Variants in WWOX observed in about 807,000 individuals in gnomAD.
The protein encoded by WWOX is WW domain-containing oxidoreductase.
A neutral mutation model predicts 46.2 loss-of-function variants in WWOX; 69 were observed. The observed-to-expected ratio is 1.49, with a 90% CI of 1.23 to 1.82. WWOX has a LOEUF of 1.82. Ranked by LOEUF, WWOX falls within the 40% of genes most tolerant of loss-of-function variation. The pLI is 0.00. For missense variants in WWOX, 919 were observed against 542.6 expected (o/e 1.69, Z -6.89); for synonymous variants, 359 against 202.6 (o/e 1.77, Z -6.56).
Position 79,067,130 on chromosome 16 carries a change from C to G in WWOX, c.1057-144478C>G, listed in dbSNP as rs1466161835. On this transcript the variant is annotated intron_variant, in intron 8 of 8. Coordinates refer to ENST00000566780, the MANE Select transcript of WWOX (RefSeq NM_016373.4). ...TGGATGCAATCCTTGGAGGCCCTGT[C>G]TAGGGCCTGTCTGGGGCTCCAGCTT... Among the ~76,000 whole-genome samples, 14 of 152,338 alleles carry G rather than the reference C, an allele frequency of 9.2e-5. No homozygotes were observed. In the East Asian group the frequency reaches 2.5e-3, roughly 27 times the overall value.
At chr16:79,105,182 C>T (rs2049283546) in intron 8 of WWOX, among the ~76,000 whole-genome samples, 1 of 152,128 alleles carries the variant, frequency 6.6e-6, no homozygotes, top group African/African-American at 2.4e-5. Context: ...GAACCAGCAC[C>T]CCGAGTGGTG....
At chr16:79,181,209 C>G (rs914785120) in intron 8 of WWOX, among the ~76,000 whole-genome samples, 6 of 152,104 alleles carry the variant, frequency 3.9e-5, no homozygotes, top group African/African-American at 1.2e-4. Context: ...AATATTTTGT[C>G]CATTATTTTA....
intron 5 of WWOX, among the ~76,000 whole-genome samples, chr16:78,227,569 A>T (rs895597288): frequency 1.3e-5 from 2 of 152,138 alleles, no homozygotes; most frequent in African/African-American, 4.8e-5. Flanking sequence ...ACCGCAGGAG[A>T]AGTTGTTCAG....
chr16:79,036,499 C>T lies in WWOX; in HGVS notation c.1057-175109C>T, dbSNP rs1410399351. ...GACAAACCCTCCTATGGTGCAGCTT[C>T]CTCCGAGCAGCTCCTAAGGAAGTGC... is the stretch of plus-strand genomic sequence containing the variant. On this transcript the variant is annotated intron_variant, in intron 8 of 8. Coordinates refer to ENST00000566780, the MANE Select transcript of WWOX (RefSeq NM_016373.4). Among the ~76,000 whole-genome samples, 3 of 152,248 alleles carry T rather than the reference C, an allele frequency of 2.0e-5. No homozygotes were observed. In the East Asian group the frequency reaches 5.8e-4, roughly 29 times the overall value.
intron 5 of WWOX, among the ~76,000 whole-genome samples, chr16:78,313,604 G>T (rs1343486774): frequency 8.5e-5 from 13 of 152,192 alleles, no homozygotes; most frequent in Admixed American, 5.2e-4. Flanking sequence ...GACCTCAGGT[G>T]ATCTGCCTGC....
At chr16:78,592,428 G>A (rs1170740354) in intron 8 of WWOX, among the ~76,000 whole-genome samples, 3 of 152,156 alleles carry the variant, frequency 2.0e-5, no homozygotes, top group Admixed American at 6.5e-5. Flanking sequence ...ACATACACAA[G>A]CATGCAGATT....
chr16:78,417,163 C>G (rs371487581), intron 6 of WWOX, among the ~76,000 whole-genome samples: 1 of 152,074 alleles, frequency 6.6e-6, no homozygotes, highest in Non-Finnish European at 1.5e-5. Flanking sequence ...GCCACAACCT[C>G]CCAGGTTCAA....
At chr16:78,122,754 G>A (rs1278750176) in intron 4 of WWOX, among the ~76,000 whole-genome samples, 5 of 151,984 alleles carry the variant, frequency 3.3e-5, no homozygotes, top group Non-Finnish European at 7.4e-5. Flanking sequence ...ACAGGCGTGA[G>A]CCACTATGTC....
intron 8 of WWOX, among the ~76,000 whole-genome samples, chr16:78,857,471 A>G (rs1162785056): frequency 6.6e-6 from 1 of 152,184 alleles, no homozygotes; most frequent in East Asian, 1.9e-4. Flanking sequence ...TCACAGCCTC[A>G]TTCCTGATAA....
At chr16:78,949,566 A>G (rs1023672362) in intron 8 of WWOX, among the ~76,000 whole-genome samples, 32 of 152,132 alleles carry the variant, frequency 2.1e-4, no homozygotes, top group Non-Finnish European at 2.9e-4. Flanking sequence ...CCCAACACAT[A>G]ATGCTGTATG....
At chr16:78,176,505 C>G (rs189454949) in intron 5 of WWOX, among the ~76,000 whole-genome samples, 1 of 152,150 alleles carries the variant, frequency 6.6e-6, no homozygotes, top group Non-Finnish European at 1.5e-5. Context: ...CTAATTGTTC[C>G]GACTACAATG....
intron 8 of WWOX, among the ~76,000 whole-genome samples, chr16:78,511,671 G>T (rs1411819551): frequency 6.6e-6 from 1 of 152,160 alleles, no homozygotes; most frequent in Non-Finnish European, 1.5e-5. Context: ...GTCAATATCT[G>T]TAGTACCCCC....
At chr16:78,494,485 A>G (rs1286117332) in intron 8 of WWOX, among the ~76,000 whole-genome samples, 1 of 151,566 alleles carries the variant, frequency 6.6e-6, no homozygotes, top group African/African-American at 2.4e-5. Flanking sequence ...TACAAACACA[A>G]GCATTAAGCA....
intron 5 of WWOX, among the ~76,000 whole-genome samples, chr16:78,220,612 C>T (rs2036857065): frequency 6.6e-6 from 1 of 152,072 alleles, no homozygotes; most frequent in Admixed American, 6.6e-5. Context: ...GAAAATTGAA[C>T]ATTTTTATTT....
intron 5 of WWOX, among the ~76,000 whole-genome samples, chr16:78,234,024 T>C (rs1259248568): frequency 6.6e-6 from 1 of 152,122 alleles, no homozygotes; most frequent in Non-Finnish European, 1.5e-5. Context: ...ATTCTAAGCC[T>C]GGGAATAGGA....
At chr16:78,528,600 C>T (rs548980782) in intron 8 of WWOX, among the ~76,000 whole-genome samples, 5 of 152,150 alleles carry the variant, frequency 3.3e-5, no homozygotes, top group Non-Finnish European at 7.4e-5. Context: ...TTATAATAAA[C>T]ACACAGTAAA....
At chr16:78,806,846 A>G (rs576329113) in intron 8 of WWOX, among the ~76,000 whole-genome samples, 2 of 152,176 alleles carry the variant, frequency 1.3e-5, no homozygotes, top group Non-Finnish European at 2.9e-5. Context: ...CTTTTGAAAG[A>G]TGCAGTCTGC....
chr16:78,729,570 A>G (rs950552606), intron 8 of WWOX, among the ~76,000 whole-genome samples: 1 of 152,038 alleles, frequency 6.6e-6, no homozygotes, highest in Non-Finnish European at 1.5e-5. Flanking sequence ...ATATGCCTGG[A>G]GCCATCAGGT....
chr16:78,478,147 C>G (rs16947653), intron 8 of WWOX, among the ~76,000 whole-genome samples: 1 of 151,858 alleles, frequency 6.6e-6, no homozygotes, highest in Non-Finnish European at 1.5e-5. Flanking sequence ...AAGGTATGTA[C>G]GGTTTAAAGT....
Sources: allele counts gnomAD v4.1 joint callset (sites outside exome capture counted in the v4.1 genomes callset), GRCh38; gene constraint gnomAD v4.1.1; transcripts MANE v1.5; gene names NCBI Gene and HGNC (gene_info 2026-07-23, HGNC 2026-07-21).